Variants in CCDC157 observed in about 807,000 individuals in gnomAD.
CCDC157 encodes the protein coiled-coil domain-containing protein 157.
In CCDC157, 60 loss-of-function variants were observed where a neutral mutation model predicts 70.9. That is an observed-to-expected ratio of 0.85 (90% CI 0.69 to 1.05). The LOEUF (loss-of-function observed/expected upper bound fraction) is 1.05, where lower values mean the gene tolerates loss of function less well. Ranked by LOEUF, CCDC157 falls within the 50% of genes least tolerant of loss-of-function variation. The pLI, the probability that CCDC157 is intolerant of heterozygous loss-of-function variation, is 0.00. For synonymous variants in CCDC157, 373 were observed against 422.4 expected (o/e 0.88, Z 1.43); for missense variants, 943 against 984.2 (o/e 0.96, Z 0.56).
At position 30,371,647 on chromosome 22, in the gene CCDC157, T is replaced by A; in HGVS notation, c.1046-3T>A. On this transcript the variant is annotated splice_region_variant and splice_polypyrimidine_tract_variant and intron_variant, in intron 5 of 11. Coordinates refer to ENST00000338306, the MANE Select transcript of CCDC157 (RefSeq NM_001017437.5). ...TGAAGGGCCTCTCTCTTGGCTGCCA[T>A]AGAAACAAGTGACCTAAAGACAAAG... 1 of 1,613,528 alleles carries A rather than the reference T, an allele frequency of 6.2e-7. No individual in the cohort carries two copies. Among genetic ancestry groups the A allele is most frequent in the East Asian group, 2.2e-5 (1 of 44,872 alleles).
intron 10 of CCDC157, chr22:30,375,909 CG>C: frequency 1.8e-6 from 1 of 556,822 alleles, no homozygotes; most frequent in Non-Finnish European, 3.1e-6. Context: ...CTCGTCAGGC[CG>C]GGTGCGGCGG....
chr22:30,364,173 C>A (rs991826688), intron 2 of CCDC157, among the ~76,000 whole-genome samples: 5 of 152,026 alleles, frequency 3.3e-5, no homozygotes, highest in African/African-American at 1.2e-4. Flanking sequence ...GTTACCCCCC[C>A]AAAATAATAA....
intron 6 of CCDC157, 151 bp downstream of exon 6, chr22:30,371,878 G>A (rs747774293): frequency 5.2e-5 from 41 of 785,740 alleles, no homozygotes; most frequent in South Asian, 2.0e-4. Flanking sequence ...CACTATTGGC[G>A]ATGACCAAAC....
At chr22:30,359,915 C>T (rs1035822068) in intron 1 of CCDC157, among the ~76,000 whole-genome samples, 4 of 152,084 alleles carry the variant, frequency 2.6e-5, no homozygotes, top group South Asian at 2.1e-4. Flanking sequence ...GAGGACAAGA[C>T]GAAAAGATTG....
rs1194787758 is a variant in CCDC157 at position 30,372,094 on chromosome 22, G to T, written c.1143G>T (p.Leu381=). 6.5e-7 allele frequency: 1 copy of T among 1,550,034 alleles called. No individual in the cohort carries two copies. The highest frequency in any genetic ancestry group is 8.7e-7 in the Non-Finnish European group (1 of 1,146,292). ...CTGCAGAGGCAAAGGCCCAGCAGCT[G>T]CAGGAGGAAGGTGAGCGCAGGGCGG... ...TQAVEAKAQQ[L]QEEGERRAAA... Residue 381 remains leucine (L), a synonymous_variant, in exon 7 of 12, where the codon CTG becomes CTT. Coordinates refer to ENST00000338306, the MANE Select transcript of CCDC157 (RefSeq NM_001017437.5).
chr22:30,376,451 C>T lies in CCDC157; in HGVS notation c.1965C>T (p.His655=), dbSNP rs1268870564. 6.2e-7 allele frequency: 1 copy of T among 1,613,950 alleles called. No homozygotes were observed. Among genetic ancestry groups the T allele is most frequent in the Admixed American group, 1.7e-5 (1 of 60,000 alleles). Reference sequence around the variant, plus strand: ...CCTTCAGGCCTCTGGGCAGACAGCACCTTCCTAGCAGCAGGACGGGTAGGA... The same window carrying T: ...CCTTCAGGCCTCTGGGCAGACAGCATCTTCCTAGCAGCAGGACGGGTAGGA... ...STSPGPLGRQ[H]LPSSRTGRTL... Residue 655 remains histidine, a synonymous_variant, in exon 12 of 12, where the codon CAC becomes CAT. Transcript: ENST00000338306.
chr22:30,366,249 G>T lies in CCDC157; in HGVS notation c.248+1G>T, dbSNP rs375975371. On this transcript the variant is annotated splice_donor_variant, in intron 3 of 11. Transcript: ENST00000338306. LOFTEE classifies it high-confidence loss of function. Reference sequence around the variant, plus strand: ...TGCTGCTGGAGCTGGTCATCGACAGGTGAGGGCCTTGACCAAGCCTGGTCA... The same window carrying T: ...TGCTGCTGGAGCTGGTCATCGACAGTTGAGGGCCTTGACCAAGCCTGGTCA... 1.2e-6 allele frequency: 2 copies of T among 1,613,750 alleles called. No homozygotes were observed. Among genetic ancestry groups the T allele is most frequent in the Admixed American group, 3.3e-5 (2 of 60,028 alleles).
At chr22:30,365,954 G>C (rs1016397834) in intron 2 of CCDC157, 36 bp from the exon 3 acceptor site, 2 of 1,530,152 alleles carry the variant, frequency 1.3e-6, no homozygotes, top group African/African-American at 2.7e-5. Flanking sequence ...CAGCCACGTG[G>C]CTCTGGCTGG....
At position 30,370,081 on chromosome 22, in the gene CCDC157, A is replaced by G. The variant is rs1193403741; in HGVS notation, c.421-245A>G. On this transcript the variant is annotated intron_variant, in intron 4 of 11. Transcript: ENST00000338306. ...CACCATCACCTTCCCAACACCATGC[A>G]TACAATCAGATCAAGCCTGGAGCTT... The G allele has an allele frequency of 1.0e-5, 6 of 594,154 alleles. No individual in the cohort carries two copies. The East Asian group carries it at 1.4e-4, about 14-fold the overall frequency. The allele number at this position is 594,154 out of a possible 1,614,324, so 36.8% of individuals were successfully genotyped here.
chr22:30,361,262 A>AAAG (rs1932327160), intron 1 of CCDC157, among the ~76,000 whole-genome samples: 1 of 151,092 alleles, frequency 6.6e-6, no homozygotes, highest in East Asian at 1.9e-4. Flanking sequence ...AAAAAAAAAA[A>AAAG]AAAGAAAAAA....
At chr22:30,374,209 C>A in intron 9 of CCDC157, 118 bp downstream of exon 9, 6 of 1,271,910 alleles carry the variant, frequency 4.7e-6, no homozygotes, top group Non-Finnish European at 5.4e-6. Context: ...GGTGTTAAAG[C>A]CAGGCGGCCA....
chr22:30,374,685 C>T, intron 9 of CCDC157: 3 of 456,796 alleles, frequency 6.6e-6, no homozygotes, highest in Non-Finnish European at 8.8e-6. Flanking sequence ...CTGTCCCCTT[C>T]TCAACCACCT....
At chr22:30,368,651 G>A (rs571190092) in intron 3 of CCDC157, among the ~76,000 whole-genome samples, 1 of 152,244 alleles carries the variant, frequency 6.6e-6, no homozygotes, top group Admixed American at 6.5e-5. Flanking sequence ...AGAGGGGCGG[G>A]GCCTTGGAGG....
At chr22:30,361,647 A>G (rs1238134822) in intron 1 of CCDC157, among the ~76,000 whole-genome samples, 2 of 152,226 alleles carry the variant, frequency 1.3e-5, no homozygotes, top group African/African-American at 4.8e-5. Context: ...GACAGAGCAG[A>G]GATGGTGGAC....
At chr22:30,371,759 C>G in intron 6 of CCDC157, 32 bp downstream of exon 6, 1 of 1,551,710 alleles carries the variant, frequency 6.4e-7, no homozygotes. Context: ...CCCCATGCCA[C>G]ATCTCAAGCC....
intron 7 of CCDC157, 119 bp from the exon 8 acceptor site, chr22:30,373,478 C>A: frequency 2.7e-6 from 3 of 1,115,172 alleles, no homozygotes; most frequent in Non-Finnish European, 3.8e-6. Flanking sequence ...TAGACACAGA[C>A]ACACACCCCA....
Position 30,372,092 on chromosome 22 carries a change from C to T in CCDC157, c.1141C>T (p.Leu381=). 6.5e-6 allele frequency: 10 copies of T among 1,548,468 alleles called. No homozygotes were observed. Among genetic ancestry groups the T allele is most frequent in the Non-Finnish European group, 7.9e-6 (9 of 1,145,104 alleles). Residue 381 remains leucine (L), a synonymous_variant, in exon 7 of 12, where the codon CTG becomes TTG. Coordinates refer to ENST00000338306, the MANE Select transcript of CCDC157 (RefSeq NM_001017437.5). ...TGCTGCAGAGGCAAAGGCCCAGCAGCTGCAGGAGGAAGGTGAGCGCAGGGC... is the reference window on the plus strand; with the variant it reads ...TGCTGCAGAGGCAAAGGCCCAGCAGTTGCAGGAGGAAGGTGAGCGCAGGGC... ...TQAVEAKAQQ[L]QEEGERRAAA...
chr22:30,376,313 A>C lies in CCDC157; in HGVS notation c.1912A>C (p.Thr638Pro), dbSNP rs774672344. Residue 638 changes from threonine to proline, a missense_variant, in exon 11 of 12, where the codon ACA (threonine) becomes CCA (proline). Transcript: ENST00000338306. ...TTCCAGCAAGGGAACCCAGGGAGCA[A>C]CACCACCAGTCCAGGCCAAGAGCAC... ...SPSSKGTQGATPPVQAKSTSP... is the reference protein window; with the variant it reads ...SPSSKGTQGAPPPVQAKSTSP... 7 of 1,613,056 alleles carry C rather than the reference A, an allele frequency of 4.3e-6. No individual in the cohort carries two copies. Among genetic ancestry groups the C allele is most frequent in the African/African-American group, 2.7e-5 (2 of 74,670 alleles).
chr22:30,356,734 T>G (rs780989808), upstream of CCDC157: 1 of 1,494,926 alleles, frequency 6.7e-7, no homozygotes, highest in Admixed American at 2.2e-5. Flanking sequence ...AGGTACCTGT[T>G]TGGGCTCCGT....
Sources: gnomAD v4.1 joint callset for allele counts (sites outside exome capture counted in the v4.1 genomes callset) on GRCh38, gnomAD v4.1.1 for gene constraint, MANE v1.5 for transcripts, NCBI Gene and HGNC (gene_info 2026-07-23, HGNC 2026-07-21) for gene names.